The following YEATS2 variants were observed in gnomAD, a reference collection of about 807,000 sequenced individuals.
YEATS2 encodes YEATS domain containing 2.
Under a neutral mutation model 163.2 loss-of-function variants are expected in YEATS2, and 77 were observed. The ratio of observed to expected loss-of-function variants is 0.47; its 90% confidence interval spans 0.39 to 0.57. The LOEUF is 0.57. YEATS2 is among the 20% of genes least tolerant of loss of function. YEATS2 has a pLI of 0.00. For missense variants in YEATS2, 1,549 were observed against 1,729.8 expected (o/e 0.90, Z 1.85); for synonymous variants, 631 against 645.1 (o/e 0.98, Z 0.33).
chr3:183,748,222 C>G (rs906748000), intron 9 of YEATS2, among the ~76,000 whole-genome samples: 2 of 150,408 alleles, frequency 1.3e-5, no homozygotes, highest in Non-Finnish European at 1.5e-5. Context: ...TCTCCCTTCC[C>G]TTTCCCCTTC....
Position 183,777,665 on chromosome 3 carries a change from G to C in YEATS2, c.2701G>C (p.Val901Leu). 1 of 1,614,128 alleles carries C rather than the reference G, an allele frequency of 6.2e-7. No individual in the cohort carries two copies. Among genetic ancestry groups the C allele is most frequent in the Non-Finnish European group, 8.5e-7 (1 of 1,180,022 alleles). Reference sequence around the variant, plus strand: ...TGCACAAGGACAACAAACGCTAAAAGTCATCTCTGGACAGAAAACCACATT... The same window carrying C: ...TGCACAAGGACAACAAACGCTAAAACTCATCTCTGGACAGAAAACCACATT... ...SSAQGQQTLK[V>L]ISGQKTTLFT... Residue 901 changes from valine to leucine, a missense_variant, in exon 19 of 31, where the codon GTC becomes CTC. Coordinates refer to ENST00000305135, the MANE Select transcript of YEATS2 (RefSeq NM_018023.5).
At chr3:183,722,232 T>C in intron 5 of YEATS2, 96 bp downstream of exon 5, 2 of 1,301,560 alleles carry the variant, frequency 1.5e-6, no homozygotes, top group Non-Finnish European at 2.0e-6. Flanking sequence ...GTCACAGGAA[T>C]CTTAGGAAAT....
intron 23 of YEATS2, among the ~76,000 whole-genome samples, chr3:183,800,200 C>A (rs1367285780): frequency 6.6e-6 from 1 of 152,124 alleles, no homozygotes; most frequent in Non-Finnish European, 1.5e-5. Context: ...GTGTGGGTGG[C>A]CCTTTAAGAA....
rs200048624 is a variant in YEATS2 at position 183,722,278 on chromosome 3, C to CTTTTTTTTTTTTTTT, written c.537+156_537+170dup. On this transcript the variant is annotated intron_variant, in intron 5 of 30. Transcript: ENST00000305135. ...TCCTTTTATAATGGGGAAACCAAATCTTTTTTTTTTTTTTTTTTTTTTTTT... is the reference window on the plus strand; with the variant it reads ...TCCTTTTATAATGGGGAAACCAAATCTTTTTTTTTTTTTTTTTTTTTTTTTTTTTTTTTTTTTTTT... 20 of 289,378 alleles carry CTTTTTTTTTTTTTTT rather than the reference C, an allele frequency of 6.9e-5. 3 individuals carry two copies. The African/African-American group carries it at 8.7e-4, about 13-fold the overall frequency. The allele number at this position is 289,378 out of a possible 1,614,324, so 17.9% of individuals were successfully genotyped here.
chr3:183,796,832 A>G (rs1725195480), intron 21 of YEATS2, among the ~76,000 whole-genome samples: 2 of 152,160 alleles, frequency 1.3e-5, no homozygotes, highest in African/African-American at 4.8e-5. Flanking sequence ...GAAGAGTACT[A>G]TCTGAAAACA....
intron 20 of YEATS2, among the ~76,000 whole-genome samples, chr3:183,787,383 C>T (rs1724165524): frequency 6.6e-6 from 1 of 151,986 alleles, no homozygotes; most frequent in African/African-American, 2.4e-5. Flanking sequence ...TTGTTCTTGT[C>T]CTTTTTTTTT....
chr3:183,803,642 G>A, intron 26 of YEATS2: 3 of 494,600 alleles, frequency 6.1e-6, no homozygotes, highest in Non-Finnish European at 1.1e-5. Flanking sequence ...GCTGGGGTAG[G>A]AGGGGAGTGG....
intron 23 of YEATS2, among the ~76,000 whole-genome samples, chr3:183,799,842 T>G (rs1268995142): frequency 1.3e-5 from 2 of 149,604 alleles, no homozygotes; most frequent in Non-Finnish European, 3.0e-5. Context: ...CTTTTTTTTT[T>G]TTTGTTTTGA....
At chr3:183,808,331 G>C (rs549788297) in intron 29 of YEATS2, among the ~76,000 whole-genome samples, 8 of 152,142 alleles carry the variant, frequency 5.3e-5, no homozygotes, top group Non-Finnish European at 1.0e-4. Context: ...CTCCTAAGAC[G>C]TATTCTGGGG....
At chr3:183,798,185 C>T in intron 22 of YEATS2, 134 bp downstream of exon 22, 1 of 1,312,880 alleles carries the variant, frequency 7.6e-7, no homozygotes, top group South Asian at 1.4e-5. Flanking sequence ...TGTGTACAGC[C>T]ACCCTTCAGC....
At chr3:183,732,656 T>C (rs1345931479) in intron 7 of YEATS2, among the ~76,000 whole-genome samples, 1 of 151,372 alleles carries the variant, frequency 6.6e-6, no homozygotes, top group Admixed American at 6.6e-5. Context: ...GCCTCCCGGG[T>C]TCACGCCGTT....
chr3:183,714,359 CT>C (rs201822288), intron 1 of YEATS2, among the ~76,000 whole-genome samples: 6,630 of 147,116 alleles, frequency 0.045, 378 homozygotes, highest in East Asian at 0.14. Flanking sequence ...CCATGCCCGT[CT>C]TTTTTTTTTG....
At chr3:183,730,048 GTTTGTTTTT>G (rs1717571615) in intron 7 of YEATS2, among the ~76,000 whole-genome samples, 1 of 20,820 alleles carries the variant, frequency 4.8e-5, no homozygotes, top group African/African-American at 1.3e-4. Context: ...GTGGTTTTTT[GTTTGTTTTT>G]TTTTTTTTTT....
Position 183,810,795 on chromosome 3 carries a change from G to C in YEATS2, c.*212G>C. ...GGAGTTTGTTTCCTGAGTGTGGAGTGAGGCTGTCAGTGGATCCGTGCTTTG... is the reference window on the plus strand; with the variant it reads ...GGAGTTTGTTTCCTGAGTGTGGAGTCAGGCTGTCAGTGGATCCGTGCTTTG... On this transcript the variant is annotated 3_prime_UTR_variant, in exon 31 of 31. Coordinates refer to ENST00000305135, the MANE Select transcript of YEATS2 (RefSeq NM_018023.5). 1.8e-6 allele frequency: 1 copy of C among 547,720 alleles called. No homozygotes were observed. Among genetic ancestry groups the C allele is most frequent in the South Asian group, 2.0e-5 (1 of 49,552 alleles). The allele number at this position is 547,720 out of a possible 1,614,324, so 33.9% of individuals were successfully genotyped here.
At chr3:183,700,025 GT>G (rs1347578640) in intron 1 of YEATS2, among the ~76,000 whole-genome samples, 2 of 151,916 alleles carry the variant, frequency 1.3e-5, no homozygotes, top group African/African-American at 2.4e-5. Context: ...GGTGTCTTGT[GT>G]TTTTTTCATT....
intron 1 of YEATS2, among the ~76,000 whole-genome samples, chr3:183,701,300 G>A (rs1326528527): frequency 6.6e-6 from 1 of 152,014 alleles, no homozygotes; most frequent in Non-Finnish European, 1.5e-5. Context: ...TGTTAGCCAG[G>A]ATGATCTCGA....
At chr3:183,807,562 G>A in intron 28 of YEATS2, 1 of 220,336 alleles carries the variant, frequency 4.5e-6, no homozygotes. Flanking sequence ...ATACAGGAGA[G>A]AGGTATTTAT....
chr3:183,714,178 G>T, intron 1 of YEATS2, among the ~76,000 whole-genome samples: 1 of 151,526 alleles, frequency 6.6e-6, no homozygotes, highest in South Asian at 2.1e-4. Flanking sequence ...AGACAGTAAA[G>T]GTCTAGAGGA....
chr3:183,707,334 T>G (rs1021813003), intron 1 of YEATS2, among the ~76,000 whole-genome samples: 5 of 152,242 alleles, frequency 3.3e-5, no homozygotes, highest in Non-Finnish European at 7.3e-5. Context: ...TGTACTCTTG[T>G]GTTTGCCTTC....
Sources: gnomAD v4.1 joint callset for allele counts (sites outside exome capture counted in the v4.1 genomes callset) on GRCh38, gnomAD v4.1.1 for gene constraint, MANE v1.5 for transcripts, NCBI Gene and HGNC (gene_info 2026-07-23, HGNC 2026-07-21) for gene names.